Variants in ZNF462 observed in about 807,000 individuals in gnomAD.
ZNF462 encodes zinc finger protein 462, also known as zinc finger PBX1-interacting protein.
Under a neutral mutation model 201.9 loss-of-function variants are expected in ZNF462, and 10 were observed. The observed-to-expected ratio is 0.05, with a 90% confidence interval of 0.03 to 0.08. ZNF462 has a LOEUF of 0.08. ZNF462 is among the 10% of genes least tolerant of loss of function. The pLI, the probability that ZNF462 is intolerant of heterozygous loss-of-function variation, is 1.00. For missense variants in ZNF462, 2,523 were observed against 3,168.3 expected, an observed-to-expected ratio of 0.80 and a Z score of 4.89; for synonymous variants, 1,227 against 1,193.3, an observed-to-expected ratio of 1.03 and a Z score of -0.58.
At chr9:106,992,931 G>A (rs1057156214) in intron 10 of ZNF462, among the ~76,000 whole-genome samples, 2 of 151,974 alleles carry the variant, frequency 1.3e-5, no homozygotes, top group African/African-American at 2.4e-5. Flanking sequence ...TTTTTATGAC[G>A]TTCATCCTGA....
At chr9:106,986,976 C>CATAGATAGATAGATAGATAG (rs55877241) in intron 10 of ZNF462, among the ~76,000 whole-genome samples, 3 of 143,338 alleles carry the variant, frequency 2.1e-5, no homozygotes, top group East Asian at 2.1e-4. Flanking sequence ...AGTATTCCAT[C>CATAGATAGATAGATAGATAG]ATAGATAGAT....
At chr9:106,986,738 C>G (rs1271790778) in intron 10 of ZNF462, among the ~76,000 whole-genome samples, 1 of 152,086 alleles carries the variant, frequency 6.6e-6, no homozygotes, top group Non-Finnish European at 1.5e-5. Flanking sequence ...ACACTGCACC[C>G]TATTTGTAGT....
chr9:106,997,263 C>T (rs60906936), intron 10 of ZNF462, among the ~76,000 whole-genome samples: 3,483 of 152,150 alleles, frequency 0.023, 141 homozygotes, highest in African/African-American at 0.076. Flanking sequence ...GAAAACAGCA[C>T]GAAAGCTCCT....
At chr9:106,901,692 G>T (rs1234345281) in intron 1 of ZNF462, among the ~76,000 whole-genome samples, 1 of 152,062 alleles carries the variant, frequency 6.6e-6, no homozygotes, top group Non-Finnish European at 1.5e-5. Context: ...TGTAAAAGGG[G>T]TTGAGTTCTT....
rs117071184 is a variant in ZNF462 at position 106,929,409 on chromosome 9, G to A, written c.5497G>A (p.Glu1833Lys). ...EEERGNFEKA[E>K]VEGEAQEIEW... The stretch of plus-strand genomic sequence containing the variant: ...GGAGAGAGGCAACTTTGAGAAAGCC[G>A]AGGTGGAGGGTGAAGCTCAGGAAAT... Residue 1833 changes from glutamate to lysine, a missense_variant, in exon 3 of 13, where the codon GAG (glutamate) becomes AAG (lysine). By Grantham distance (56) the Glu-to-Lys change is moderately conservative. Around this residue, in one of 15 missense-constraint regions of ZNF462, gnomAD observed 207 missense variants for 231.6 expected, o/e 0.89. Transcript: ENST00000277225. This position sits in a 1 kb window ranked among gnomAD's most constrained non-coding sequence, Gnocchi z 8.7. 279 of 1,614,068 alleles carry A rather than the reference G, an allele frequency of 1.7e-4. 1 individual carries two copies. The East Asian group carries it at 1.9e-3, about 11-fold the overall frequency.
chr9:106,874,777 G>A (rs1827754578), intron 1 of ZNF462, among the ~76,000 whole-genome samples: 1 of 152,156 alleles, frequency 6.6e-6, no homozygotes, highest in Non-Finnish European at 1.5e-5. Context: ...CTGAAGTGGT[G>A]TTGAAGAACA....
intron 7 of ZNF462, among the ~76,000 whole-genome samples, chr9:106,941,029 A>G (rs1830846740): frequency 6.6e-6 from 1 of 152,130 alleles, no homozygotes; most frequent in Non-Finnish European, 1.5e-5. Flanking sequence ...ATTGCTAGCA[A>G]AGGCTTTTGC....
intron 10 of ZNF462, among the ~76,000 whole-genome samples, chr9:106,999,653 C>T (rs1371047033): frequency 6.6e-6 from 1 of 152,050 alleles, no homozygotes; most frequent in African/African-American, 2.4e-5. Context: ...ATGATAACAG[C>T]AATGTAAATA....
rs940599089 is a variant in ZNF462, at chr9:106,885,207, A to G, written c.-31+21852A>G. Among the ~76,000 whole-genome samples, 1 of 152,220 alleles carries G rather than the reference A, an allele frequency of 6.6e-6. No individual in the cohort carries two copies. The highest frequency in any genetic ancestry group is 6.5e-5 in the Admixed American group (1 of 15,282). ...GTCTACTCCTAAAACAACTATCACT[A>G]CTACCATTAAACTCTCCATATACAT... On this transcript the variant is annotated intron_variant, in intron 1 of 12. Transcript: ENST00000277225. This position sits in a 1 kb window ranked among gnomAD's most constrained non-coding sequence, Gnocchi z 4.1.
chr9:106,888,176 G>A (rs1193917456), intron 1 of ZNF462, among the ~76,000 whole-genome samples: 1 of 152,112 alleles, frequency 6.6e-6, no homozygotes, highest in Non-Finnish European at 1.5e-5. Context: ...CCAGTAGCTG[G>A]GACTACAGGC....
At position 106,974,406 on chromosome 9, in the gene ZNF462, C is replaced by T. The variant is rs1199201380; in HGVS notation, c.6832+133C>T. 1.5e-6 allele frequency: 2 copies of T among 1,376,846 alleles called. No homozygotes were observed. Among genetic ancestry groups the T allele is most frequent in the South Asian group, 2.4e-5 (2 of 84,870 alleles). 85.3% of individuals were successfully genotyped at this position (1,376,846 alleles called of 1,614,324 possible). ...CACCTTATCTTCAGGCAAGAAACCA[C>T]AGTGATAACCACAGTGACAGCCAAA... On this transcript the variant is annotated intron_variant, in intron 9 of 12. Transcript: ENST00000277225. The surrounding 1 kb of genome is among the most constrained non-coding windows in gnomAD (Gnocchi z 4.0).
Position 106,928,971 on chromosome 9 carries a change from C to G in ZNF462, c.5059C>G (p.Arg1687Gly). The G allele has an allele frequency of 6.2e-7, 1 of 1,614,104 alleles. No homozygotes were observed. The highest frequency in any genetic ancestry group is 8.5e-7 in the Non-Finnish European group (1 of 1,180,024). ...RHYRIKHNNVRAQPEGKNNLF... is the reference protein window; with the variant it reads ...RHYRIKHNNVGAQPEGKNNLF... ...CTACCGCATCAAGCACAATAATGTC[C>G]GAGCCCAGCCAGAAGGCAAGAACAA... The change falls in exon 3 of 13, where the codon CGA becomes GGA. Residue 1687 changes from arginine to glycine, a missense_variant. Arg to Gly is a moderately radical substitution (Grantham distance 125). Coordinates refer to ENST00000277225, the MANE Select transcript of ZNF462 (RefSeq NM_021224.6). This position sits in a 1 kb window ranked among gnomAD's most constrained non-coding sequence, Gnocchi z 9.3.
intron 7 of ZNF462, among the ~76,000 whole-genome samples, chr9:106,941,141 C>A (rs1293199044): frequency 6.6e-6 from 1 of 152,176 alleles, no homozygotes; most frequent in Non-Finnish European, 1.5e-5. Flanking sequence ...AACCCACCCA[C>A]TGCATGTATC....
At chr9:106,867,101 CT>C (rs1827367971) in intron 1 of ZNF462, among the ~76,000 whole-genome samples, 2 of 152,108 alleles carry the variant, frequency 1.3e-5, no homozygotes, top group Non-Finnish European at 2.9e-5. Context: ...TAAGAGGCAT[CT>C]TGGAATTTGG....
rs538911186 is a variant in ZNF462, at chr9:106,896,349, A to C, written c.-30-27005A>C. Among the ~76,000 whole-genome samples, 3 of 152,320 alleles carry C rather than the reference A, an allele frequency of 2.0e-5. No individual in the cohort carries two copies. The South Asian group carries it at 6.2e-4, about 32-fold the overall frequency. ...CAATCGAAAATGATTTTTTTAAAAAATGAGGGCAGAGAGCTTCAGATCAAT... is the reference window on the plus strand; with the variant it reads ...CAATCGAAAATGATTTTTTTAAAAACTGAGGGCAGAGAGCTTCAGATCAAT... On this transcript the variant is annotated intron_variant, in intron 1 of 12. Coordinates refer to ENST00000277225, the MANE Select transcript of ZNF462 (RefSeq NM_021224.6).
rs79690723 is a variant in ZNF462 at position 106,972,714 on chromosome 9, G to A, written c.6695+442G>A. ...AGAAAATTCTTTAATTCTTAAGATC[G>A]TAGTATTGAAAGACACATAGAGAAT... On this transcript the variant is annotated intron_variant, in intron 8 of 12. Coordinates refer to ENST00000277225, the MANE Select transcript of ZNF462 (RefSeq NM_021224.6). This position sits in a 1 kb window ranked among gnomAD's most constrained non-coding sequence, Gnocchi z 4.8. Among the ~76,000 whole-genome samples, 4,106 of 152,178 alleles carry A rather than the reference G, an allele frequency of 0.027. 201 individuals are homozygous for A. Among genetic ancestry groups the A allele is most frequent in the African/African-American group, 0.093 (3,851 of 41,502 alleles).
Position 106,993,480 on chromosome 9 carries a change from A to T in ZNF462, c.7056+9071A>T, listed in dbSNP as rs1828444539. ...TACTAGTGAGCGAGGCATCACTTGTAATCTCTTAGGATCTAAAGGAAACAG... is the reference window on the plus strand; with the variant it reads ...TACTAGTGAGCGAGGCATCACTTGTTATCTCTTAGGATCTAAAGGAAACAG... On this transcript the variant is annotated intron_variant, in intron 10 of 12. Transcript: ENST00000277225. The surrounding 1 kb of genome is among the most constrained non-coding windows in gnomAD (Gnocchi z 4.0). Among the ~76,000 whole-genome samples the T allele has an allele frequency of 6.6e-6, 1 of 152,112 alleles. No homozygotes were observed. Among genetic ancestry groups the T allele is most frequent in the South Asian group, 2.1e-4 (1 of 4,824 alleles).
intron 1 of ZNF462, among the ~76,000 whole-genome samples, chr9:106,864,542 A>C (rs1368302894): frequency 6.6e-6 from 1 of 152,026 alleles, no homozygotes; most frequent in Non-Finnish European, 1.5e-5. Context: ...CCAGACTCCA[A>C]AACACAAAGC....
rs1830344846 is a variant in ZNF462 at position 106,929,621 on chromosome 9, C to G, written c.5709C>G (p.Ser1903Arg). 1.2e-6 allele frequency: 2 copies of G among 1,614,238 alleles called. No homozygotes were observed. Among genetic ancestry groups the G allele is most frequent in the Non-Finnish European group, 1.7e-6 (2 of 1,180,050 alleles). The change falls in exon 3 of 13, where the codon AGC (serine) becomes AGG (arginine). Residue 1903 changes from serine to arginine, a missense_variant. By Grantham distance (110) the Ser-to-Arg change is moderately radical. Around this residue, in one of 15 missense-constraint regions of ZNF462, gnomAD observed 207 missense variants for 231.6 expected, o/e 0.89. Coordinates refer to ENST00000277225, the MANE Select transcript of ZNF462 (RefSeq NM_021224.6). The surrounding 1 kb of genome is among the most constrained non-coding windows in gnomAD (Gnocchi z 8.7). ...QCKHCDSKLQ[S>R]TAELTSHLNI... ...AGCACTGTGATAGCAAACTGCAAAG[C>G]ACAGCCGAGCTGACCTCACACTTGA...
Sources: gnomAD v4.1 joint callset for allele counts (sites outside exome capture counted in the v4.1 genomes callset) on GRCh38, gnomAD v4.1.1 for gene constraint, gnomAD v4.1.1 regional missense constraint, Gnocchi (gnomAD v3.1) non-coding constraint, MANE v1.5 for transcripts, NCBI Gene and HGNC (gene_info 2026-07-23, HGNC 2026-07-21) for gene names.